The following VPS13C variants were observed in gnomAD, a reference collection of about 807,000 sequenced individuals.
The protein encoded by VPS13C is intermembrane lipid transfer protein VPS13C.
VPS13C carries 358 observed loss-of-function variants against 456.8 expected under a neutral mutation model. The ratio of observed to expected loss-of-function variants is 0.78; its 90% confidence interval spans 0.72 to 0.86. VPS13C has a LOEUF of 0.86. Among genes scored for constraint, VPS13C ranks in the 40% least tolerant of loss-of-function variants. VPS13C has a pLI of 0.00. For missense variants in VPS13C, 4,818 were observed against 4,385.4 expected (o/e 1.10, Z -2.79); for synonymous variants, 1,578 against 1,486.7 (o/e 1.06, Z -1.41).
intron 83 of VPS13C, among the ~76,000 whole-genome samples, chr15:61,855,251 A>G (rs1168634540): frequency 6.6e-6 from 1 of 152,156 alleles, no homozygotes; most frequent in East Asian, 1.9e-4. Flanking sequence ...ATCACATCTG[A>G]CAAATCAAAA....
chr15:62,038,906 T>C (rs940225643), intron 3 of VPS13C, among the ~76,000 whole-genome samples: 1 of 152,166 alleles, frequency 6.6e-6, no homozygotes, highest in Non-Finnish European at 1.5e-5. Context: ...TGAGATACCA[T>C]CTTACACCAG....
intron 35 of VPS13C, among the ~76,000 whole-genome samples, chr15:61,960,500 T>C (rs891532879): frequency 6.6e-6 from 1 of 152,208 alleles, no homozygotes; most frequent in African/African-American, 2.4e-5. Context: ...ATTACATCGA[T>C]ATTAAATTTC....
At chr15:61,973,430 G>T in intron 26 of VPS13C, 24 bp downstream of exon 26, 3 of 1,577,428 alleles carry the variant, frequency 1.9e-6, no homozygotes, top group Non-Finnish European at 2.6e-6. Context: ...ATTTAATAGA[G>T]AAAGAGTATT....
intron 71 of VPS13C, 65 bp downstream of exon 71, chr15:61,881,498 A>G: frequency 6.8e-7 from 1 of 1,470,898 alleles, no homozygotes; most frequent in Non-Finnish European, 9.2e-7. Flanking sequence ...AAAGAGTAAG[A>G]TTTATTTTCA....
At chr15:61,881,895 G>C in intron 69 of VPS13C, 67 bp from the exon 70 acceptor site, 1 of 1,392,568 alleles carries the variant, frequency 7.2e-7, no homozygotes, top group Non-Finnish European at 9.7e-7. Flanking sequence ...CAAAGATAAT[G>C]TTATAGAAGA....
Position 62,035,059 on chromosome 15 carries a change from A to C in VPS13C, c.188-7T>G. The C allele has an allele frequency of 6.3e-7, 1 of 1,589,408 alleles. No individual in the cohort carries two copies. Among genetic ancestry groups the C allele is most frequent in the Non-Finnish European group, 8.6e-7 (1 of 1,162,718 alleles). On this transcript the variant is annotated splice_region_variant and splice_polypyrimidine_tract_variant and intron_variant, in intron 3 of 84. Transcript: ENST00000644861. ...ATCTTCAAAGTTAATTTATCTAAGG[A>C]AACATAATTTCAACCTTAAATTATT...
intron 50 of VPS13C, 109 bp downstream of exon 50, chr15:61,930,981 C>A: frequency 7.6e-7 from 1 of 1,313,116 alleles, no homozygotes; most frequent in Admixed American, 1.9e-5. Context: ...GAAGTATGAC[C>A]AAAAGACAGA....
intron 5 of VPS13C, among the ~76,000 whole-genome samples, chr15:62,028,678 T>C (rs926091287): frequency 2.6e-5 from 4 of 152,080 alleles, no homozygotes; most frequent in African/African-American, 9.7e-5. Flanking sequence ...CAGGTAAATA[T>C]CAATTTCGGC....
intron 26 of VPS13C, among the ~76,000 whole-genome samples, chr15:61,973,091 C>A (rs914756437): frequency 2.0e-5 from 3 of 152,122 alleles, no homozygotes; most frequent in African/African-American, 4.8e-5. Context: ...ACCAGAATGA[C>A]CACGATAGAC....
chr15:62,007,164 TC>T, intron 15 of VPS13C, 143 bp downstream of exon 15: 1 of 737,900 alleles, frequency 1.4e-6, no homozygotes, highest in East Asian at 3.5e-5. Context: ...AAAAAAAAAT[TC>T]TGCATTTTCC....
rs532300017 is a variant in VPS13C at position 61,865,144 on chromosome 15, T to C, written c.10864-1616A>G. ...CAAATTAGTTGATAAAATATTCACG[T>C]CCCCTTTCCAAAAATGCAACTCGAG... is the stretch of plus-strand genomic sequence containing the variant. On this transcript the variant is annotated intron_variant, in intron 81 of 84. Transcript: ENST00000644861. 5.3e-5 allele frequency: 52 copies of C among 984,844 alleles called. No homozygotes were observed. The African/African-American group carries it at 8.6e-4, about 16-fold the overall frequency. The allele number at this position is 984,844 out of a possible 1,614,324, so 61.0% of individuals were successfully genotyped here.
At chr15:62,016,848 C>G (rs1330072033) in intron 9 of VPS13C, among the ~76,000 whole-genome samples, 1 of 152,188 alleles carries the variant, frequency 6.6e-6, no homozygotes, top group Non-Finnish European at 1.5e-5. Flanking sequence ...AATCGCCACA[C>G]TGTCTTCCAC....
At chr15:61,887,316 G>T (rs749714024) in intron 67 of VPS13C, among the ~76,000 whole-genome samples, 5 of 152,098 alleles carry the variant, frequency 3.3e-5, no homozygotes, top group Non-Finnish European at 7.3e-5. Context: ...AAACACTTAG[G>T]TATAAATAAA....
chr15:61,863,964 A>G (rs1214006569), intron 81 of VPS13C: 1 of 152,190 alleles, frequency 6.6e-6, no homozygotes, highest in Non-Finnish European at 1.5e-5. Flanking sequence ...TTGAAAACGT[A>G]GTTCTAAAAC....
intron 43 of VPS13C, among the ~76,000 whole-genome samples, chr15:61,946,701 A>T (rs544031307): frequency 2.0e-4 from 30 of 151,840 alleles, no homozygotes; most frequent in African/African-American, 7.2e-4. Flanking sequence ...TTAGAAAATT[A>T]ATCACATTTC....
chr15:62,006,257 C>T (rs1344324561), intron 15 of VPS13C, among the ~76,000 whole-genome samples: 2 of 152,010 alleles, frequency 1.3e-5, no homozygotes, highest in Non-Finnish European at 2.9e-5. Flanking sequence ...CTCCCCTCTC[C>T]CCGCACCCCA....
chr15:62,060,275 C>T lies in VPS13C; in HGVS notation c.100G>A (p.Gly34Arg). 1 of 1,601,654 alleles carries T rather than the reference C, an allele frequency of 6.2e-7. No individual in the cohort carries two copies. ...CCACTGGCCGCGCCCTCTCGCTTAC[C>T]GCCCCAGATGCCCAGCTTCAGCTGG... ...KSQLKLGIWGGNVALDNLQIK... is the reference protein window; with the variant it reads ...KSQLKLGIWGRNVALDNLQIK... Residue 34 changes from glycine to arginine, a missense_variant and splice_region_variant, in exon 1 of 85, where the codon GGA becomes AGA. By Grantham distance (125) the Gly-to-Arg change is moderately radical. This residue lies in a region of VPS13C where 4,552 missense variants were observed against 4,130.6 expected (regional missense o/e 1.10). Coordinates refer to ENST00000644861, the MANE Select transcript of VPS13C (RefSeq NM_020821.3).
chr15:61,998,839 C>G (rs926833505), intron 16 of VPS13C, among the ~76,000 whole-genome samples: 3 of 152,132 alleles, frequency 2.0e-5, no homozygotes, highest in African/African-American at 7.2e-5. Flanking sequence ...CCTCTTTCTC[C>G]TCCCACTCCT....
chr15:61,911,922 G>A lies in VPS13C; in HGVS notation c.8633C>T (p.Ser2878Leu), dbSNP rs1434126263. Reference protein sequence around the residue: ...LTPFCTIANKSSLELEVGEIA... With the variant: ...LTPFCTIANKLSLELEVGEIA... ...CTCGCCAACTTCTAGTTCTAATGATGACTTGTTTGCAATGGTACAAAAGGG... is the reference window on the plus strand; with the variant it reads ...CTCGCCAACTTCTAGTTCTAATGATAACTTGTTTGCAATGGTACAAAAGGG... The change falls in exon 63 of 85, where the codon TCA becomes TTA. Residue 2878 changes from serine (S) to leucine (L), a missense_variant. Physicochemically the swap from Ser to Leu is moderately radical, Grantham distance 145. Around this residue, in one of 3 missense-constraint regions of VPS13C, gnomAD observed 4,552 missense variants for 4,130.6 expected, o/e 1.10. Coordinates refer to ENST00000644861, the MANE Select transcript of VPS13C (RefSeq NM_020821.3). The A allele has an allele frequency of 1.9e-6, 3 of 1,612,792 alleles. No individual in the cohort carries two copies.
Sources: gnomAD v4.1 joint callset for allele counts (sites outside exome capture counted in the v4.1 genomes callset) on GRCh38, gnomAD v4.1.1 for gene constraint, gnomAD v4.1.1 regional missense constraint, MANE v1.5 for transcripts, NCBI Gene and HGNC (gene_info 2026-07-23, HGNC 2026-07-21) for gene names.